The following ZNF710 variants were observed in gnomAD, a reference collection of about 807,000 sequenced individuals.
ZNF710 encodes the protein zinc finger protein 710.
In ZNF710, 13 loss-of-function variants were observed where a neutral mutation model predicts 50.6. The observed-to-expected ratio is 0.26, with a 90% CI of 0.17 to 0.41. The LOEUF is 0.41. Among genes scored for constraint, ZNF710 ranks in the 10% least tolerant of loss-of-function variants. The probability of loss-of-function intolerance (pLI) is 1.00; values close to 1 mark genes in which losing one functional copy is unlikely to be tolerated. For missense variants in ZNF710, 721 were observed against 936.6 expected, an observed-to-expected ratio of 0.77 and a Z score of 3.01; for synonymous variants, 383 against 397.0, an observed-to-expected ratio of 0.96 and a Z score of 0.42.
rs1160823595 is a variant in ZNF710 at position 90,040,832 on chromosome 15, G to T, written c.-28-26278G>T. ...AGTGATTTCTTGATTTATCAATTTC[G>T]GACATTATCTTTTGCCTCCATATTG... On this transcript the variant is annotated intron_variant, in intron 1 of 4. Transcript: ENST00000268154. The surrounding 1 kb of genome is among the most constrained non-coding windows in gnomAD (Gnocchi z 4.6). 2.6e-5 allele frequency among the ~76,000 whole-genome samples: 4 copies of T among 151,976 alleles called. No individual in the cohort carries two copies. The highest frequency in any genetic ancestry group is 4.4e-5 in the Non-Finnish European group (3 of 68,014).
At chr15:90,030,643 A>G (rs1596275978) in intron 1 of ZNF710, among the ~76,000 whole-genome samples, 1 of 151,956 alleles carries the variant, frequency 6.6e-6, no homozygotes, top group East Asian at 1.9e-4. Context: ...ATATGAAGCC[A>G]CCTTCCCAAC....
intron 1 of ZNF710, among the ~76,000 whole-genome samples, chr15:90,005,111 G>A (rs1400134334): frequency 1.3e-5 from 2 of 152,222 alleles, no homozygotes; most frequent in East Asian, 3.9e-4. Context: ...TCCATCTGTG[G>A]GTTAAATGTA....
In ZNF710 at chr15:90,080,083, T is replaced by G; in HGVS notation, c.*254T>G. The G allele has an allele frequency of 2.6e-6, 1 of 383,092 alleles. No individual in the cohort carries two copies. The highest frequency in any genetic ancestry group is 4.6e-6 in the Non-Finnish European group (1 of 215,508). The allele number at this position is 383,092 out of a possible 1,614,324, so 23.7% of individuals were successfully genotyped here. A position where few individuals can be genotyped will look rare whatever the true frequency, so the allele number is the denominator to read the frequency against. Reference sequence around the variant, plus strand: ...AGAACACGCGAGGCCCAGATCTGGGTCTCCCTGGCCTGCTTCCGTGGGGAG... The same window carrying G: ...AGAACACGCGAGGCCCAGATCTGGGGCTCCCTGGCCTGCTTCCGTGGGGAG... On this transcript the variant is annotated 3_prime_UTR_variant, in exon 5 of 5. Coordinates refer to ENST00000268154, the MANE Select transcript of ZNF710 (RefSeq NM_198526.4).
intron 2 of ZNF710, among the ~76,000 whole-genome samples, chr15:90,070,690 C>T (rs1265819588): frequency 2.0e-5 from 3 of 152,042 alleles, no homozygotes; most frequent in Non-Finnish European, 1.5e-5. Flanking sequence ...CATGGTGGCA[C>T]ACACCTGTGG....
chr15:90,016,639 T>C (rs1400343650), intron 1 of ZNF710, among the ~76,000 whole-genome samples: 1 of 152,122 alleles, frequency 6.6e-6, no homozygotes, highest in African/African-American at 2.4e-5. Context: ...GTGGGGTCTG[T>C]GCTGGTCTCA....
intron 1 of ZNF710, among the ~76,000 whole-genome samples, chr15:90,039,171 C>T (rs535121711): frequency 5.3e-5 from 8 of 151,872 alleles, no homozygotes; most frequent in Middle Eastern, 3.4e-3. Context: ...CCCAGCTACT[C>T]GGGAGGCTGA....
At chr15:90,037,261 T>C (rs1876295) in intron 1 of ZNF710, among the ~76,000 whole-genome samples, 73,443 of 152,138 alleles carry the variant, frequency 0.48, 21,483 homozygotes, top group African/African-American at 0.8. Context: ...TCTTCCTGGT[T>C]CTCCCCTTCC....
intron 1 of ZNF710, among the ~76,000 whole-genome samples, chr15:90,038,747 T>A (rs958909297): frequency 2.6e-5 from 2 of 77,992 alleles, no homozygotes; most frequent in African/African-American, 1.9e-4. Flanking sequence ...GTGTGAGACA[T>A]TGGCTTTGAA....
rs951150362 is a variant in ZNF710 at position 90,001,505 on chromosome 15, G to A, written c.-138G>A. ...GCAGGCGGCGGGCGCGCGTGGAGGCGGGCGGCGGGCGCACAGCAGCAGCCC... is the reference window on the plus strand; with the variant it reads ...GCAGGCGGCGGGCGCGCGTGGAGGCAGGCGGCGGGCGCACAGCAGCAGCCC... On this transcript the variant is annotated 5_prime_UTR_variant, in exon 1 of 5. Coordinates refer to ENST00000268154, the MANE Select transcript of ZNF710 (RefSeq NM_198526.4). The A allele has an allele frequency of 3.3e-5, 5 of 149,696 alleles. No individual in the cohort carries two copies. The highest frequency in any genetic ancestry group is 1.2e-4 in the African/African-American group (5 of 40,836). 9.3% of individuals were successfully genotyped at this position (149,696 alleles called of 1,614,324 possible).
intron 1 of ZNF710, among the ~76,000 whole-genome samples, chr15:90,049,105 T>C (rs1899558344): frequency 6.6e-6 from 1 of 152,208 alleles, no homozygotes; most frequent in Non-Finnish European, 1.5e-5. Flanking sequence ...TATGTGTACA[T>C]ATATTGTGGT....
rs968642974 is a variant in ZNF710 at position 90,079,886 on chromosome 15, A to G, written c.*57A>G. 2 of 1,498,500 alleles carry G rather than the reference A, an allele frequency of 1.3e-6. No homozygotes were observed. Among genetic ancestry groups the G allele is most frequent in the African/African-American group, 2.8e-5 (2 of 70,196 alleles). 92.8% of individuals were successfully genotyped at this position (1,498,500 alleles called of 1,614,324 possible). A position where few individuals can be genotyped will look rare whatever the true frequency, so the allele number is the denominator to read the frequency against. ...GGGCGAGGGCATGGGGGTGAGACCC[A>G]TGGGCTGCAGGCTGCACCTCCTGCA... On this transcript the variant is annotated 3_prime_UTR_variant, in exon 5 of 5. Transcript: ENST00000268154.
Position 90,079,835 on chromosome 15 carries a change from G to A in ZNF710, c.*6G>A, listed in dbSNP as rs371810672. ...CCTACTACAATGTGCTATAGCGCAA[G>A]CTGGGCCACCCCTAACGGGGGCCGG... On this transcript the variant is annotated 3_prime_UTR_variant, in exon 5 of 5. Transcript: ENST00000268154. The A allele has an allele frequency of 1.3e-6, 2 of 1,583,718 alleles. No individual in the cohort carries two copies. The highest frequency in any genetic ancestry group is 2.3e-5 in the South Asian group (2 of 85,838).
intron 1 of ZNF710, among the ~76,000 whole-genome samples, chr15:90,003,457 G>C (rs977127206): frequency 6.6e-6 from 1 of 152,186 alleles, no homozygotes; most frequent in African/African-American, 2.4e-5. Context: ...TCCTGCATTT[G>C]TACACGTGTA....
Position 90,062,225 on chromosome 15 carries a change from T to C in ZNF710, c.-28-4885T>C, listed in dbSNP as rs1567238489. On this transcript the variant is annotated intron_variant, in intron 1 of 4. Coordinates refer to ENST00000268154, the MANE Select transcript of ZNF710 (RefSeq NM_198526.4). The surrounding 1 kb of genome is among the most constrained non-coding windows in gnomAD (Gnocchi z 5.6). ...TTTCTTCTCTCCCTCTCCCTTTCTC[T>C]CTCTCTCTCTCTGATATGTCCTCCC... Among the ~76,000 whole-genome samples, 1 of 148,702 alleles carries C rather than the reference T, an allele frequency of 6.7e-6. No homozygotes were observed.
intron 1 of ZNF710, among the ~76,000 whole-genome samples, chr15:90,030,280 T>C (rs1360210832): frequency 8.4e-6 from 1 of 119,094 alleles, no homozygotes; most frequent in Non-Finnish European, 1.6e-5. Context: ...AGTGAGCCAA[T>C]ATCACGCCAT....
chr15:90,064,475 C>T (rs1293997989), intron 1 of ZNF710, among the ~76,000 whole-genome samples: 1 of 152,190 alleles, frequency 6.6e-6, no homozygotes, highest in Admixed American at 6.5e-5. Flanking sequence ...GAGATCTGGG[C>T]AGATAATAAT....
At chr15:90,012,290 A>ATTTTTTTTTTTT (rs1026567607) in intron 1 of ZNF710, among the ~76,000 whole-genome samples, 13 of 94,524 alleles carry the variant, frequency 1.4e-4, no homozygotes, top group East Asian at 3.2e-4. Context: ...TTGAGTGTGC[A>ATTTTTTTTTTTT]TTTTTTTTTT....
At chr15:90,064,860 G>A (rs564468110) in intron 1 of ZNF710, among the ~76,000 whole-genome samples, 1 of 152,250 alleles carries the variant, frequency 6.6e-6, no homozygotes, top group South Asian at 2.1e-4. Context: ...AGGACCGTGG[G>A]CCCTCACAAC....
intron 1 of ZNF710, among the ~76,000 whole-genome samples, chr15:90,010,544 C>T (rs923127801): frequency 6.6e-6 from 1 of 152,120 alleles, no homozygotes; most frequent in Non-Finnish European, 1.5e-5. Flanking sequence ...ATCCACTTGC[C>T]TCAGCCTCCC....
Sources: gnomAD v4.1 joint callset for allele counts (sites outside exome capture counted in the v4.1 genomes callset) on GRCh38, gnomAD v4.1.1 for gene constraint, Gnocchi (gnomAD v3.1) non-coding constraint, MANE v1.5 for transcripts, NCBI Gene and HGNC (gene_info 2026-07-23, HGNC 2026-07-21) for gene names.